The following MPPED2 variants were observed in gnomAD, a reference collection of about 807,000 sequenced individuals.
MPPED2 encodes metallophosphoesterase MPPED2.
MPPED2 carries 5 observed loss-of-function variants against 33.0 expected under a neutral mutation model. The observed-to-expected ratio is 0.15, with a 90% CI of 0.08 to 0.32. The LOEUF (loss-of-function observed/expected upper bound fraction) is 0.32, where lower values mean the gene tolerates loss of function less well. MPPED2 is among the 10% of genes least tolerant of loss of function. MPPED2 has a pLI of 1.00. For synonymous variants in MPPED2, 136 were observed against 141.9 expected (o/e 0.96, Z 0.29); for missense variants, 275 against 372.1 (o/e 0.74, Z 2.15).
intron 2 of MPPED2, among the ~76,000 whole-genome samples, chr11:30,565,974 T>G (rs73463709): frequency 0.014 from 2,103 of 152,284 alleles, 54 homozygotes; most frequent in African/African-American, 0.048. Flanking sequence ...TCACAGATTT[T>G]TGTCAAAAAA....
chr11:30,518,331 C>A (rs796853731), intron 3 of MPPED2, among the ~76,000 whole-genome samples: 4 of 152,304 alleles, frequency 2.6e-5, no homozygotes, highest in African/African-American at 9.6e-5. Context: ...TATCTCCAAA[C>A]CAGTTTATCC....
intron 6 of MPPED2, among the ~76,000 whole-genome samples, chr11:30,397,153 A>G (rs1947849093): frequency 6.6e-6 from 1 of 152,186 alleles, no homozygotes; most frequent in Non-Finnish European, 1.5e-5. Context: ...AACTAATGTA[A>G]TTAAGAGAAG....
At chr11:30,551,263 C>T (rs1955697803) in intron 2 of MPPED2, among the ~76,000 whole-genome samples, 1 of 152,158 alleles carries the variant, frequency 6.6e-6, no homozygotes, top group South Asian at 2.1e-4. Context: ...TCATCCATTC[C>T]TTGAGAGAAC....
At chr11:30,460,320 C>T (rs1228510663) in intron 4 of MPPED2, among the ~76,000 whole-genome samples, 2 of 152,242 alleles carry the variant, frequency 1.3e-5, no homozygotes, top group South Asian at 2.1e-4. Flanking sequence ...GGAGAAAAAC[C>T]TTTACTGACA....
At chr11:30,552,811 T>G (rs1955778821) in intron 2 of MPPED2, among the ~76,000 whole-genome samples, 1 of 152,140 alleles carries the variant, frequency 6.6e-6, no homozygotes, top group Admixed American at 6.6e-5. Context: ...CACACAGCCC[T>G]AAGGATGGGG....
chr11:30,419,354 T>C (rs1948511619), intron 4 of MPPED2, among the ~76,000 whole-genome samples: 1 of 152,228 alleles, frequency 6.6e-6, no homozygotes, highest in African/African-American at 2.4e-5. Flanking sequence ...TCTTATATAC[T>C]ATCTGAATTA....
intron 4 of MPPED2, among the ~76,000 whole-genome samples, chr11:30,453,888 G>C (rs1375076247): frequency 2.0e-5 from 3 of 152,158 alleles, no homozygotes; most frequent in Non-Finnish European, 4.4e-5. Context: ...GACCACATTT[G>C]AATGGCATTC....
At chr11:30,529,855 A>G (rs556887037) in intron 3 of MPPED2, among the ~76,000 whole-genome samples, 1 of 152,314 alleles carries the variant, frequency 6.6e-6, no homozygotes, top group African/African-American at 2.4e-5. Context: ...GCCATGTCTA[A>G]CAAAATGCTC....
At chr11:30,432,211 T>C (rs1949110425) in intron 4 of MPPED2, among the ~76,000 whole-genome samples, 2 of 151,772 alleles carry the variant, frequency 1.3e-5, no homozygotes, top group South Asian at 4.2e-4. Flanking sequence ...CCAGGTAACC[T>C]CTCATAGTCA....
At chr11:30,503,221 A>G (rs1318385142) in intron 3 of MPPED2, among the ~76,000 whole-genome samples, 1 of 152,094 alleles carries the variant, frequency 6.6e-6, no homozygotes, top group Non-Finnish European at 1.5e-5. Flanking sequence ...TGCTGCCGCC[A>G]TGTGAAGAAA....
At chr11:30,494,737 C>CAAAAAAAAAAAA (rs767500886) in intron 4 of MPPED2, among the ~76,000 whole-genome samples, 9 of 47,572 alleles carry the variant, frequency 1.9e-4, no homozygotes, top group East Asian at 8.2e-4. Flanking sequence ...TACTCCACCT[C>CAAAAAAAAAAAA]AAAAAAAAAA....
In MPPED2 at chr11:30,499,831, C is replaced by A. The variant is rs532129675; in HGVS notation, c.311-4310G>T. On this transcript the variant is annotated intron_variant, in intron 3 of 6. Coordinates refer to ENST00000358117, the MANE Select transcript of MPPED2 (RefSeq NM_001584.3). ...CAGATGTGTCATGCTTAGCCCTCAACTGAGGTTATTATTTGTTTGTTTGTT... is the reference window on the plus strand; with the variant it reads ...CAGATGTGTCATGCTTAGCCCTCAAATGAGGTTATTATTTGTTTGTTTGTT... Among the ~76,000 whole-genome samples the A allele has an allele frequency of 3.2e-4, 48 of 152,288 alleles. No homozygotes were observed. In the East Asian group the frequency reaches 7.5e-3, roughly 24 times the overall value.
At chr11:30,468,318 A>G (rs1326721127) in intron 4 of MPPED2, among the ~76,000 whole-genome samples, 1 of 152,092 alleles carries the variant, frequency 6.6e-6, no homozygotes, top group Non-Finnish European at 1.5e-5. Context: ...TTACTAAAGA[A>G]CAAATGTGCA....
intron 4 of MPPED2, among the ~76,000 whole-genome samples, chr11:30,485,793 C>T (rs536388528): frequency 2.0e-5 from 3 of 152,192 alleles, no homozygotes; most frequent in African/African-American, 7.2e-5. Flanking sequence ...ACAAGCCCGA[C>T]CAAGCCTCCC....
At chr11:30,583,014 A>G (rs907053257) in intron 1 of MPPED2, among the ~76,000 whole-genome samples, 23 of 151,974 alleles carry the variant, frequency 1.5e-4, no homozygotes, top group Non-Finnish European at 2.9e-4. Context: ...CTTTCACAGC[A>G]CCTTTACAGA....
chr11:30,496,353 T>C (rs1475984529), intron 3 of MPPED2, among the ~76,000 whole-genome samples: 1 of 152,228 alleles, frequency 6.6e-6, no homozygotes, highest in African/African-American at 2.4e-5. Flanking sequence ...CTCACCGTGA[T>C]GCTATAAGAA....
At chr11:30,455,690 G>C (rs768557987) in intron 4 of MPPED2, among the ~76,000 whole-genome samples, 2 of 152,138 alleles carry the variant, frequency 1.3e-5, no homozygotes, top group African/African-American at 4.8e-5. Context: ...CTTCATCAAC[G>C]GTGTAAATCA....
intron 2 of MPPED2, among the ~76,000 whole-genome samples, chr11:30,557,723 G>A (rs1956046262): frequency 6.6e-6 from 1 of 152,210 alleles, no homozygotes; most frequent in African/African-American, 2.4e-5. Flanking sequence ...TGGATCAACT[G>A]CTGGGTCAAC....
At chr11:30,424,614 C>A (rs1204687605) in intron 4 of MPPED2, among the ~76,000 whole-genome samples, 1 of 152,158 alleles carries the variant, frequency 6.6e-6, no homozygotes, top group East Asian at 1.9e-4. Flanking sequence ...GTTTTCCTGG[C>A]ACCAGATGTG....
Sources: gnomAD v4.1 joint callset for allele counts (sites outside exome capture counted in the v4.1 genomes callset) on GRCh38, gnomAD v4.1.1 for gene constraint, MANE v1.5 for transcripts, NCBI Gene and HGNC (gene_info 2026-07-23, HGNC 2026-07-21) for gene names.